Variants in CSMD1 observed in about 807,000 individuals in gnomAD.
CSMD1 encodes CUB and sushi domain-containing protein 1.
Under a neutral mutation model 417.5 loss-of-function variants are expected in CSMD1, and 213 were observed. The observed-to-expected ratio is 0.51, with a 90% CI of 0.46 to 0.57. The LOEUF is 0.57. CSMD1 is among the 20% of genes least tolerant of loss of function. The pLI is 0.00. For synonymous variants in CSMD1, 2,862 were observed against 1,736.8 expected (o/e 1.65, Z -16.11); for missense variants, 6,923 against 4,529.7 (o/e 1.53, Z -15.17).
At chr8:4,558,862 C>T (rs1171778595) in intron 2 of CSMD1, among the ~76,000 whole-genome samples, 2 of 151,932 alleles carry the variant, frequency 1.3e-5, no homozygotes, top group Non-Finnish European at 2.9e-5. Flanking sequence ...AGTGAGACTC[C>T]GTCTCAAAAT....
At chr8:4,978,767 G>A (rs146952050) in intron 1 of CSMD1, among the ~76,000 whole-genome samples, 4,797 of 152,108 alleles carry the variant, frequency 0.032, 95 homozygotes, top group Middle Eastern at 0.12. Flanking sequence ...GTGAAACCCC[G>A]TCTCCACTAA....
chr8:4,568,250 G>C (rs78321916), intron 2 of CSMD1, among the ~76,000 whole-genome samples: 1 of 151,978 alleles, frequency 6.6e-6, no homozygotes, highest in Non-Finnish European at 1.5e-5. Flanking sequence ...TTACATTAGG[G>C]ATTTCCCCTA....
intron 8 of CSMD1, among the ~76,000 whole-genome samples, chr8:3,611,842 A>T (rs192331046): frequency 6.6e-6 from 1 of 152,124 alleles, no homozygotes; most frequent in Non-Finnish European, 1.5e-5. Flanking sequence ...ACAAAAAATT[A>T]ATTTAGGACA....
chr8:3,304,082 C>G (rs770528494), intron 25 of CSMD1, among the ~76,000 whole-genome samples: 5 of 152,096 alleles, frequency 3.3e-5, no homozygotes, highest in Non-Finnish European at 5.9e-5. Flanking sequence ...AATATTGAAA[C>G]CAGCCTTTTC....
intron 1 of CSMD1, among the ~76,000 whole-genome samples, chr8:4,869,330 G>A (rs763721513): frequency 6.6e-6 from 1 of 151,956 alleles, no homozygotes; most frequent in African/African-American, 2.4e-5. Flanking sequence ...TGTGTCTGTA[G>A]GGAAACTGGA....
intron 3 of CSMD1, among the ~76,000 whole-genome samples, chr8:4,301,528 G>T (rs1029957800): frequency 6.6e-6 from 1 of 152,158 alleles, no homozygotes; most frequent in Admixed American, 6.5e-5. Flanking sequence ...GTTTGAAGCT[G>T]ATCTGGGTGC....
At chr8:3,127,417 G>C (rs545428843) in intron 41 of CSMD1, 1 of 152,272 alleles carries the variant, frequency 6.6e-6, no homozygotes, top group Non-Finnish European at 1.5e-5. Context: ...ACAAATTATG[G>C]TTTGTATACA....
chr8:3,749,545 G>T (rs558405775), intron 6 of CSMD1, among the ~76,000 whole-genome samples: 1 of 152,148 alleles, frequency 6.6e-6, no homozygotes, highest in Non-Finnish European at 1.5e-5. Flanking sequence ...AGAGTAGAAA[G>T]AATATTTTAT....
At chr8:4,804,734 G>T (rs1243258183) in intron 1 of CSMD1, among the ~76,000 whole-genome samples, 1 of 152,088 alleles carries the variant, frequency 6.6e-6, no homozygotes, top group African/African-American at 2.4e-5. Flanking sequence ...TATATGAAAT[G>T]CCTGCAAGCC....
chr8:4,699,928 T>A (rs1310907022), intron 1 of CSMD1, among the ~76,000 whole-genome samples: 1 of 152,220 alleles, frequency 6.6e-6, no homozygotes, highest in East Asian at 1.9e-4. Context: ...CCTATCTGGA[T>A]ACACAAGCTA....
intron 3 of CSMD1, among the ~76,000 whole-genome samples, chr8:4,319,840 G>C (rs968545811): frequency 6.6e-6 from 1 of 152,032 alleles, no homozygotes; most frequent in Non-Finnish European, 1.5e-5. Flanking sequence ...TCAGCTGAGA[G>C]CTCACCTGTA....
intron 5 of CSMD1, among the ~76,000 whole-genome samples, chr8:3,957,015 TAG>T (rs1811995000): frequency 1.3e-5 from 2 of 152,192 alleles, no homozygotes; most frequent in Admixed American, 6.5e-5. Context: ...CACATGGAAG[TAG>T]AGAGTGACAG....
intron 3 of CSMD1, among the ~76,000 whole-genome samples, chr8:4,264,606 A>G (rs888236301): frequency 1.3e-5 from 2 of 152,160 alleles, no homozygotes; most frequent in Non-Finnish European, 2.9e-5. Context: ...TCTAGGGTAG[A>G]TAGCAGTAAG....
At chr8:4,230,003 G>A (rs1171798723) in intron 3 of CSMD1, among the ~76,000 whole-genome samples, 3 of 152,142 alleles carry the variant, frequency 2.0e-5, no homozygotes, top group Non-Finnish European at 2.9e-5. Flanking sequence ...TGTAATAAAT[G>A]CATATGATTT....
At chr8:3,077,785 G>C (rs1813794107) in intron 49 of CSMD1, among the ~76,000 whole-genome samples, 1 of 152,218 alleles carries the variant, frequency 6.6e-6, no homozygotes, top group African/African-American at 2.4e-5. Context: ...ACAGGTAGAG[G>C]CTGCCGCTGT....
intron 2 of CSMD1, among the ~76,000 whole-genome samples, chr8:4,578,734 A>T (rs546841198): frequency 6.7e-6 from 1 of 150,208 alleles, no homozygotes; most frequent in South Asian, 2.1e-4. Context: ...TAATTGCTTG[A>T]ACCTGGGAGG....
rs971087757 is a variant in CSMD1, at chr8:3,995,899, C to T, written c.818+2004G>A. Among the ~76,000 whole-genome samples the T allele has an allele frequency of 2.0e-5, 3 of 152,176 alleles. No individual in the cohort carries two copies. In the South Asian group the frequency reaches 6.2e-4, roughly 32 times the overall value. ...CCACTGATAACTTTCCCACCAGCTT[C>T]CCTAGCAAATACAGAGAGAGATTCC... On this transcript the variant is annotated intron_variant, in intron 5 of 69. Transcript: ENST00000635120.
At chr8:3,130,356 T>C (rs1031231404) in intron 41 of CSMD1, among the ~76,000 whole-genome samples, 1 of 152,132 alleles carries the variant, frequency 6.6e-6, no homozygotes, top group Non-Finnish European at 1.5e-5. Context: ...GACGAGGCGA[T>C]GCAGGTGTGT....
chr8:2,990,734 G>A (rs984999714), intron 54 of CSMD1, among the ~76,000 whole-genome samples: 1 of 152,188 alleles, frequency 6.6e-6, no homozygotes, highest in Non-Finnish European at 1.5e-5. Flanking sequence ...ATGAATGTAA[G>A]ATGCTCTCTA....
Sources: gnomAD v4.1 joint callset for allele counts (sites outside exome capture counted in the v4.1 genomes callset) on GRCh38, gnomAD v4.1.1 for gene constraint, MANE v1.5 for transcripts, NCBI Gene and HGNC (gene_info 2026-07-23, HGNC 2026-07-21) for gene names.